Variants in PADI6 observed in about 807,000 individuals in gnomAD.
PADI6 encodes the protein inactive protein-arginine deiminase type-6.
PADI6 carries 66 observed loss-of-function variants against 78.2 expected under a neutral mutation model. The observed-to-expected ratio is 0.84, with a 90% CI of 0.69 to 1.04. The LOEUF is 1.04. PADI6 is among the 50% of genes least tolerant of loss of function. The pLI is 0.00. For synonymous variants in PADI6, 397 were observed against 346.9 expected (o/e 1.14, Z -1.60); for missense variants, 854 against 866.1 (o/e 0.99, Z 0.18).
chr1:17,389,660 C>T (rs190031908), intron 8 of PADI6, among the ~76,000 whole-genome samples: 1 of 152,186 alleles, frequency 6.6e-6, no homozygotes, highest in Non-Finnish European at 1.5e-5. Context: ...AGCCACATGC[C>T]TAGGGAGAAA....
intron 5 of PADI6, among the ~76,000 whole-genome samples, 192 bp downstream of exon 5, chr1:17,381,356 C>T (rs2075071367): frequency 6.6e-6 from 1 of 152,132 alleles, no homozygotes; most frequent in South Asian, 2.1e-4. Flanking sequence ...CACATAGCCC[C>T]ATGCAAAGAG....
rs575789536 is a variant in PADI6 at position 17,395,786 on chromosome 1, A to G, written c.1618+123A>G. The G allele has an allele frequency of 8.5e-6, 11 of 1,300,626 alleles. No homozygotes were observed. In the Admixed American group the frequency reaches 2.2e-4, roughly 25 times the overall value. 80.6% of individuals were successfully genotyped at this position (1,300,626 alleles called of 1,614,324 possible). On this transcript the variant is annotated intron_variant, in intron 13 of 15. Transcript: ENST00000619609. ...CCAGGGAAGCACAGAAGCTGTTGGA[A>G]TTGCCATATTAGAACGTCTTATTTC... is the stretch of plus-strand genomic sequence containing the variant.
chr1:17,381,190 T>C, intron 5 of PADI6, 26 bp downstream of exon 5: 6 of 1,548,370 alleles, frequency 3.9e-6, no homozygotes, highest in Non-Finnish European at 5.3e-6. Context: ...GTCTCTGCCT[T>C]TCCTTCTTGG....
chr1:17,373,826 A>G (rs11577716), intron 2 of PADI6, among the ~76,000 whole-genome samples: 25,453 of 152,138 alleles, frequency 0.17, 2,280 homozygotes, highest in East Asian at 0.27. Flanking sequence ...ACTAAGGCAC[A>G]GAGTGCTGTG....
chr1:17,373,300 C>T, intron 2 of PADI6, 67 bp downstream of exon 2: 1 of 1,559,868 alleles, frequency 6.4e-7, no homozygotes, highest in Non-Finnish European at 8.8e-7. Flanking sequence ...ACTGGGGCTT[C>T]CTCCTGGCTG....
In PADI6 at chr1:17,390,916, G is replaced by A. The variant is rs181059450; in HGVS notation, c.963-1198G>A. Among the ~76,000 whole-genome samples, 22 of 152,282 alleles carry A rather than the reference G, an allele frequency of 1.4e-4. No individual in the cohort carries two copies. The South Asian group carries it at 4.1e-3, about 29-fold the overall frequency. On this transcript the variant is annotated intron_variant, in intron 8 of 15. Transcript: ENST00000619609. Reference sequence around the variant, plus strand: ...AGGCATGGTTTGACCCCATATAGCTGCATATGACCTGCAAGACTGAGCCGA... The same window carrying A: ...AGGCATGGTTTGACCCCATATAGCTACATATGACCTGCAAGACTGAGCCGA...
At chr1:17,386,312 A>G (rs2075118959) in intron 6 of PADI6, among the ~76,000 whole-genome samples, 1 of 152,206 alleles carries the variant, frequency 6.6e-6, no homozygotes, top group South Asian at 2.1e-4. Flanking sequence ...TATGCTTCAC[A>G]ACAAACTATC....
intron 2 of PADI6, among the ~76,000 whole-genome samples, chr1:17,373,599 C>A (rs2074986087): frequency 6.6e-6 from 1 of 151,870 alleles, no homozygotes; most frequent in African/African-American, 2.4e-5. Flanking sequence ...TCAAGCAATT[C>A]TCCTGCCTCA....
At chr1:17,391,207 T>C (rs116320173) in intron 8 of PADI6, among the ~76,000 whole-genome samples, 47 of 108,550 alleles carry the variant, frequency 4.3e-4, no homozygotes, top group Admixed American at 6.6e-4. Flanking sequence ...TTGTTCCGTT[T>C]GTTTAAGATA....
chr1:17,392,338 T>G (rs1346910981), intron 9 of PADI6, 113 bp downstream of exon 9: 1 of 766,442 alleles, frequency 1.3e-6, no homozygotes, highest in East Asian at 2.7e-5. Context: ...GAAGCCTTGA[T>G]AGGGGCGGCC....
At chr1:17,373,514 TG>T (rs2074985304) in intron 2 of PADI6, among the ~76,000 whole-genome samples, 1 of 151,138 alleles carries the variant, frequency 6.6e-6, no homozygotes, top group Non-Finnish European at 1.5e-5. Flanking sequence ...TTTTTTTTTT[TG>T]AGTCTCACGC....
chr1:17,381,851 G>A (rs79493782), intron 5 of PADI6, 116 bp from the exon 6 acceptor site: 1 of 1,249,964 alleles, frequency 8.0e-7, no homozygotes, highest in Non-Finnish European at 1.1e-6. Flanking sequence ...CTAGCAAAAG[G>A]CAGGGGGTCC....
intron 6 of PADI6, among the ~76,000 whole-genome samples, chr1:17,384,211 ACT>A (rs2075099758): frequency 6.6e-6 from 1 of 152,268 alleles, no homozygotes; most frequent in African/African-American, 2.4e-5. Flanking sequence ...CTTCCAGGTG[ACT>A]CTGAAACATG....
chr1:17,390,288 C>T (rs535363032), intron 8 of PADI6, among the ~76,000 whole-genome samples: 141 of 150,962 alleles, frequency 9.3e-4, no homozygotes, highest in African/African-American at 3.2e-3. Flanking sequence ...GAAACAAGAG[C>T]GAAACTGTCT....
Position 17,401,509 on chromosome 1 carries a change from C to A in PADI6, c.*71C>A. On this transcript the variant is annotated 3_prime_UTR_variant, in exon 16 of 16. Coordinates refer to ENST00000619609, the MANE Select transcript of PADI6 (RefSeq NM_207421.4). ...ACTGTCACCATGCAACAGCATGATT[C>A]TTTGCCCAGTAGAGGAGGCTGGAGA... is the stretch of plus-strand genomic sequence containing the variant. 2 of 1,372,766 alleles carry A rather than the reference C, an allele frequency of 1.5e-6. No individual in the cohort carries two copies. Among genetic ancestry groups the A allele is most frequent in the Non-Finnish European group, 1.0e-6 (1 of 985,814 alleles). 85.0% of individuals were successfully genotyped at this position (1,372,766 alleles called of 1,614,324 possible).
At chr1:17,396,469 T>C (rs557931774) in intron 13 of PADI6, among the ~76,000 whole-genome samples, 1 of 152,326 alleles carries the variant, frequency 6.6e-6, no homozygotes, top group East Asian at 1.9e-4. Context: ...AAGTGTTATC[T>C]GAGGGCCAGC....
chr1:17,389,957 G>A (rs1365388189), intron 8 of PADI6, among the ~76,000 whole-genome samples: 1 of 152,156 alleles, frequency 6.6e-6, no homozygotes, highest in Non-Finnish European at 1.5e-5. Flanking sequence ...TAAGGTAGGA[G>A]GCAAAGGATA....
At chr1:17,399,520 C>T (rs182400709) in intron 15 of PADI6, among the ~76,000 whole-genome samples, 92 of 151,968 alleles carry the variant, frequency 6.1e-4, no homozygotes, top group Admixed American at 2.8e-3. Context: ...GCTTGAACCC[C>T]GGAGACAGAG....
At chr1:17,387,462 G>GA (rs370134347) in intron 6 of PADI6, among the ~76,000 whole-genome samples, 1 of 150,570 alleles carries the variant, frequency 6.6e-6, no homozygotes, top group Non-Finnish European at 1.5e-5. Flanking sequence ...AAAAGGAGGG[G>GA]GGGGGGCCAG....
Sources: allele counts gnomAD v4.1 joint callset (sites outside exome capture counted in the v4.1 genomes callset), GRCh38; gene constraint gnomAD v4.1.1; transcripts MANE v1.5; gene names NCBI Gene and HGNC (gene_info 2026-07-23, HGNC 2026-07-21).